Variants in KCNH7 observed in about 807,000 individuals in gnomAD.
The protein encoded by KCNH7 is potassium voltage-gated channel subfamily H member 7, also known as voltage-gated inwardly rectifying potassium channel KCNH7.
KCNH7 carries 49 observed loss-of-function variants against 120.8 expected under a neutral mutation model. That is an observed-to-expected ratio of 0.41 (90% confidence interval 0.32 to 0.51). The LOEUF (loss-of-function observed/expected upper bound fraction) is 0.51, where lower values mean the gene tolerates loss of function less well. Ranked by LOEUF, KCNH7 falls within the 20% of genes least tolerant of loss-of-function variation. The pLI is 0.38. For missense variants in KCNH7, 1,097 were observed against 1,446.6 expected (o/e 0.76, Z 3.92); for synonymous variants, 547 against 516.1 (o/e 1.06, Z -0.81).
At chr2:162,619,587 C>T (rs1402613599) in intron 2 of KCNH7, among the ~76,000 whole-genome samples, 5 of 151,778 alleles carry the variant, frequency 3.3e-5, no homozygotes, top group African/African-American at 1.2e-4. Flanking sequence ...AACCTGAAAA[C>T]AAAACAGAAG....
chr2:162,521,349 A>G (rs1383468904), intron 3 of KCNH7, among the ~76,000 whole-genome samples: 1 of 151,934 alleles, frequency 6.6e-6, no homozygotes, highest in African/African-American at 2.4e-5. Flanking sequence ...CATAATAATT[A>G]GAGAATCTTA....
chr2:162,492,063 G>T (rs560845110), intron 6 of KCNH7, among the ~76,000 whole-genome samples: 1 of 152,150 alleles, frequency 6.6e-6, no homozygotes, highest in Non-Finnish European at 1.5e-5. Flanking sequence ...GACATGCCCC[G>T]AAAAGGGCAA....
At chr2:162,397,667 C>T (rs927022270) in intron 10 of KCNH7, among the ~76,000 whole-genome samples, 4 of 151,744 alleles carry the variant, frequency 2.6e-5, no homozygotes, top group African/African-American at 7.3e-5. Flanking sequence ...AGGTCTTATT[C>T]CATGACAAAG....
intron 2 of KCNH7, among the ~76,000 whole-genome samples, chr2:162,658,615 T>C (rs1270142881): frequency 6.6e-6 from 1 of 152,196 alleles, no homozygotes; most frequent in Non-Finnish European, 1.5e-5. Context: ...ATGGGGTTTC[T>C]CTTCGTTTAT....
intron 2 of KCNH7, among the ~76,000 whole-genome samples, chr2:162,627,169 T>A (rs572111171): frequency 1.3e-5 from 2 of 152,272 alleles, no homozygotes; most frequent in South Asian, 2.1e-4. Flanking sequence ...GTCTCCTGCA[T>A]CTAAGAACAT....
intron 2 of KCNH7, among the ~76,000 whole-genome samples, chr2:162,804,678 C>T (rs1684471822): frequency 6.6e-6 from 1 of 151,660 alleles, no homozygotes; most frequent in South Asian, 2.1e-4. Context: ...CTGCCCAAAA[C>T]CATCCACAGA....
rs114699843 is a variant in KCNH7, at chr2:162,658,059, C to A, written c.308-120979G>T. Among the ~76,000 whole-genome samples the A allele has an allele frequency of 9.7e-3, 1,464 of 151,470 alleles. 35 individuals carry two copies. The highest frequency in any genetic ancestry group is 0.033 in the African/African-American group (1,378 of 41,272). On this transcript the variant is annotated intron_variant, in intron 2 of 15. Transcript: ENST00000332142. ...TAGATTATTGCCTATATAAATGATACCCTGGAGAGCACCCTCATTCCTTCT... is the reference window on the plus strand; with the variant it reads ...TAGATTATTGCCTATATAAATGATAACCTGGAGAGCACCCTCATTCCTTCT...
intron 6 of KCNH7, among the ~76,000 whole-genome samples, chr2:162,473,052 C>T (rs1689612814): frequency 6.6e-6 from 1 of 151,714 alleles, no homozygotes. Flanking sequence ...AGGGGAACAC[C>T]ACACACCGGG....
intron 2 of KCNH7, among the ~76,000 whole-genome samples, chr2:162,789,344 C>T (rs1683836216): frequency 1.3e-5 from 2 of 151,774 alleles, no homozygotes; most frequent in Admixed American, 1.3e-4. Flanking sequence ...TCTATTGAAG[C>T]ATCTAAGTAT....
intron 2 of KCNH7, among the ~76,000 whole-genome samples, chr2:162,634,857 G>C (rs1683901058): frequency 6.6e-6 from 1 of 152,018 alleles, no homozygotes; most frequent in Non-Finnish European, 1.5e-5. Context: ...ATGACAAATT[G>C]GGAGGGTAGC....
At chr2:162,760,244 A>T (rs992798171) in intron 2 of KCNH7, among the ~76,000 whole-genome samples, 23 of 152,162 alleles carry the variant, frequency 1.5e-4, no homozygotes, top group African/African-American at 5.5e-4. Context: ...TTCTAAAAAA[A>T]GTCTCAAGTA....
intron 2 of KCNH7, among the ~76,000 whole-genome samples, chr2:162,585,939 C>T (rs925373493): frequency 6.6e-6 from 1 of 151,956 alleles, no homozygotes; most frequent in African/African-American, 2.4e-5. Context: ...CTCACAATAC[C>T]TTAAAGCGTT....
chr2:162,705,558 G>T (rs1267226305), intron 2 of KCNH7, among the ~76,000 whole-genome samples: 1 of 152,036 alleles, frequency 6.6e-6, no homozygotes, highest in African/African-American at 2.4e-5. Flanking sequence ...CTCCTCTGAT[G>T]TAAATTCATT....
intron 2 of KCNH7, among the ~76,000 whole-genome samples, chr2:162,755,469 C>T (rs959130870): frequency 2.0e-5 from 3 of 152,202 alleles, no homozygotes; most frequent in African/African-American, 2.4e-5. Context: ...AAGACTCCAT[C>T]TCAAAAACAA....
chr2:162,749,258 C>G (rs562587125), intron 2 of KCNH7, among the ~76,000 whole-genome samples: 1 of 150,792 alleles, frequency 6.6e-6, no homozygotes, highest in Non-Finnish European at 1.5e-5. Context: ...TTAAGACTTT[C>G]GATCACCTTT....
At chr2:162,678,865 G>T (rs531598775) in intron 2 of KCNH7, among the ~76,000 whole-genome samples, 17 of 151,684 alleles carry the variant, frequency 1.1e-4, no homozygotes, top group African/African-American at 4.1e-4. Context: ...AAGGTAGAGT[G>T]AGAAAAGTCT....
At chr2:162,421,194 C>T (rs1687699203) in intron 9 of KCNH7, among the ~76,000 whole-genome samples, 1 of 152,114 alleles carries the variant, frequency 6.6e-6, no homozygotes, top group Non-Finnish European at 1.5e-5. Context: ...AGAGCTCACA[C>T]ACTCCAGGAC....
intron 2 of KCNH7, among the ~76,000 whole-genome samples, chr2:162,728,917 T>C (rs1312863399): frequency 6.6e-6 from 1 of 152,186 alleles, no homozygotes. Flanking sequence ...TCATGTAAAA[T>C]TTATAGTTTT....
intron 9 of KCNH7, among the ~76,000 whole-genome samples, chr2:162,401,368 C>G (rs996072202): frequency 6.6e-6 from 1 of 151,816 alleles, no homozygotes; most frequent in Non-Finnish European, 1.5e-5. Flanking sequence ...CCAGTACAAG[C>G]AGACTCATTT....
Sources: gnomAD v4.1 joint callset for allele counts (sites outside exome capture counted in the v4.1 genomes callset) on GRCh38, gnomAD v4.1.1 for gene constraint, MANE v1.5 for transcripts, NCBI Gene and HGNC (gene_info 2026-07-23, HGNC 2026-07-21) for gene names.